Variants in MALRD1 observed in about 807,000 individuals in gnomAD.
MALRD1 encodes the protein MAM and LDL-receptor class A domain-containing protein 1.
Under a neutral mutation model 242.1 loss-of-function variants are expected in MALRD1, and 247 were observed. That is an observed-to-expected ratio of 1.02 (90% CI 0.92 to 1.13). The LOEUF (loss-of-function observed/expected upper bound fraction) is 1.13. MALRD1 is among the 50% of genes most tolerant of loss of function. MALRD1 has a pLI of 0.00. For synonymous variants in MALRD1, 995 were observed against 866.6 expected (o/e 1.15, Z -2.60); for missense variants, 2,989 against 2,533.1 (o/e 1.18, Z -3.86).
chr10:19,241,976 T>C (rs1455854324), intron 18 of MALRD1, among the ~76,000 whole-genome samples: 1 of 152,192 alleles, frequency 6.6e-6, no homozygotes, highest in Non-Finnish European at 1.5e-5. Context: ...TGTCATAATG[T>C]ATGATTGGTC....
chr10:19,161,912 C>G (rs983893112), intron 12 of MALRD1, among the ~76,000 whole-genome samples: 4 of 152,100 alleles, frequency 2.6e-5, no homozygotes, highest in African/African-American at 9.7e-5. Context: ...CCTGTAGTCC[C>G]AGCTACTCTG....
chr10:19,663,985 G>C (rs1841562613), intron 36 of MALRD1, among the ~76,000 whole-genome samples: 1 of 152,020 alleles, frequency 6.6e-6, no homozygotes, highest in Non-Finnish European at 1.5e-5. Flanking sequence ...GGACATACAA[G>C]AAACAAGGAA....
At chr10:19,586,867 C>T (rs192697855) in intron 33 of MALRD1, among the ~76,000 whole-genome samples, 149 of 152,350 alleles carry the variant, frequency 9.8e-4, no homozygotes, top group African/African-American at 3.5e-3. Flanking sequence ...GCTGCGTTAG[C>T]AATCAGCGAG....
intron 33 of MALRD1, among the ~76,000 whole-genome samples, chr10:19,571,931 TGAAAAATG>T (rs1474394390): frequency 1.3e-5 from 2 of 152,158 alleles, no homozygotes; most frequent in Non-Finnish European, 2.9e-5. Context: ...CATCCTACGA[TGAAAAATG>T]GCAAACTCTC....
intron 2 of MALRD1, among the ~76,000 whole-genome samples, chr10:19,075,335 C>A (rs1835284472): frequency 6.6e-6 from 1 of 151,994 alleles, no homozygotes; most frequent in African/African-American, 2.4e-5. Context: ...AATCAACTGA[C>A]TTCAAAATCG....
chr10:19,498,623 T>C lies in MALRD1; in HGVS notation c.5297T>C (p.Ile1766Thr), dbSNP rs1387130421. The C allele has an allele frequency of 1.9e-6, 3 of 1,550,060 alleles. No homozygotes were observed. Among genetic ancestry groups the C allele is most frequent in the Admixed American group, 2.0e-5 (1 of 50,890 alleles). The change falls in exon 31 of 40, where the codon ATT becomes ACT. Residue 1766 changes from isoleucine to threonine, a missense_variant. Physicochemically the swap from Ile to Thr is moderately conservative, Grantham distance 89. Transcript: ENST00000454679. ...IGSRIPAKAL[I>T]PDSDHTPGSG... Reference sequence around the variant, plus strand: ...AGCAGAATTCCTGCCAAAGCATTAATTCCAGACTCTGATCACACGCCAGGT... The same window carrying C: ...AGCAGAATTCCTGCCAAAGCATTAACTCCAGACTCTGATCACACGCCAGGT...
intron 33 of MALRD1, among the ~76,000 whole-genome samples, chr10:19,573,189 C>T (rs537937917): frequency 2.6e-5 from 4 of 152,278 alleles, no homozygotes; most frequent in African/African-American, 7.2e-5. Context: ...GACCATGGCA[C>T]GTGTTCCTTC....
chr10:19,255,331 G>T (rs1839460718), intron 18 of MALRD1, among the ~76,000 whole-genome samples: 1 of 151,744 alleles, frequency 6.6e-6, no homozygotes, highest in Non-Finnish European at 1.5e-5. Context: ...TATAATGCTT[G>T]TGTTTTGATA....
intron 36 of MALRD1, among the ~76,000 whole-genome samples, chr10:19,645,659 A>G (rs1840621218): frequency 6.6e-6 from 1 of 152,080 alleles, no homozygotes; most frequent in Non-Finnish European, 1.5e-5. Flanking sequence ...ATTCTCACTC[A>G]TAGGTGGGAA....
intron 21 of MALRD1, among the ~76,000 whole-genome samples, chr10:19,300,076 C>T (rs905699194): frequency 6.6e-6 from 1 of 151,886 alleles, no homozygotes; most frequent in Non-Finnish European, 1.5e-5. Flanking sequence ...ATGCCAACAA[C>T]ATCCAAGCTG....
At chr10:19,517,087 G>A (rs7895790) in intron 31 of MALRD1, among the ~76,000 whole-genome samples, 37,624 of 152,056 alleles carry the variant, frequency 0.25, 7,433 homozygotes, top group African/African-American at 0.55. Context: ...GATTGAATAG[G>A]AAAAACAGAA....
chr10:19,120,875 C>T (rs1221772172), intron 5 of MALRD1, among the ~76,000 whole-genome samples: 1 of 152,078 alleles, frequency 6.6e-6, no homozygotes, highest in African/African-American at 2.4e-5. Flanking sequence ...TCCTGAGTAG[C>T]TGGGACTACA....
At chr10:19,414,413 A>G (rs1209785879) in intron 28 of MALRD1, among the ~76,000 whole-genome samples, 1 of 152,240 alleles carries the variant, frequency 6.6e-6, no homozygotes, top group Non-Finnish European at 1.5e-5. Flanking sequence ...AAAGAGAGGC[A>G]TAAAGATCCT....
Position 19,311,237 on chromosome 10 carries a change from T to C in MALRD1, c.3420-12712T>C, listed in dbSNP as rs183841652. On this transcript the variant is annotated intron_variant, in intron 21 of 39. Transcript: ENST00000454679. ...TATATTCTTAACTCATGCACAGATATGTTACTTTTATTAACCTTGGTTATA... is the reference window on the plus strand; with the variant it reads ...TATATTCTTAACTCATGCACAGATACGTTACTTTTATTAACCTTGGTTATA... 3.0e-3 allele frequency among the ~76,000 whole-genome samples: 462 copies of C among 151,562 alleles called. 2 individuals carry two copies. Among genetic ancestry groups the C allele is most frequent in the African/African-American group, 0.01 (431 of 41,466 alleles).
chr10:19,526,868 T>C (rs1248980468), intron 31 of MALRD1, among the ~76,000 whole-genome samples: 1 of 152,180 alleles, frequency 6.6e-6, no homozygotes, highest in African/African-American at 2.4e-5. Context: ...TACGAAGTCA[T>C]ATCTTTGCTA....
chr10:19,515,569 AT>A (rs1169481675), intron 31 of MALRD1, among the ~76,000 whole-genome samples: 22 of 149,904 alleles, frequency 1.5e-4, no homozygotes, highest in African/African-American at 4.2e-4. Flanking sequence ...TTATTTATTT[AT>A]TTTTTTTGAG....
intron 33 of MALRD1, among the ~76,000 whole-genome samples, chr10:19,580,585 A>G (rs1837065700): frequency 6.6e-6 from 1 of 152,190 alleles, no homozygotes; most frequent in South Asian, 2.1e-4. Context: ...GCATGCACAC[A>G]TATTTATACA....
chr10:19,298,300 A>G (rs1841799935), intron 21 of MALRD1, among the ~76,000 whole-genome samples: 1 of 152,038 alleles, frequency 6.6e-6, no homozygotes, highest in African/African-American at 2.4e-5. Context: ...AGAAAAGCAC[A>G]AGCCATTCAT....
chr10:19,122,918 G>T (rs1837116448), intron 5 of MALRD1, among the ~76,000 whole-genome samples: 2 of 152,088 alleles, frequency 1.3e-5, no homozygotes, highest in Admixed American at 1.3e-4. Context: ...TAGAGACGGG[G>T]TTTCACCATG....
Sources: gnomAD v4.1 joint callset for allele counts (sites outside exome capture counted in the v4.1 genomes callset) on GRCh38, gnomAD v4.1.1 for gene constraint, MANE v1.5 for transcripts, NCBI Gene and HGNC (gene_info 2026-07-23, HGNC 2026-07-21) for gene names.